AGBL4: variants seen among roughly 807,000 people sequenced by gnomAD.
The protein encoded by AGBL4 is cytosolic carboxypeptidase 6.
A neutral mutation model predicts 66.4 loss-of-function variants in AGBL4; 58 were observed. That is an observed-to-expected ratio of 0.87 (90% CI 0.71 to 1.09). AGBL4 has a LOEUF of 1.09. AGBL4 is among the 50% of genes least tolerant of loss of function. The probability of loss-of-function intolerance (pLI) is 0.00; values close to 1 mark genes in which losing one functional copy is unlikely to be tolerated. For missense variants in AGBL4, 579 were observed against 631.0 expected, an observed-to-expected ratio of 0.92 and a Z score of 0.88; for synonymous variants, 234 against 222.9, an observed-to-expected ratio of 1.05 and a Z score of -0.44.
At chr1:49,844,571 C>G (rs547835806) in intron 2 of AGBL4, 1 of 917,192 alleles carries the variant, frequency 1.1e-6, no homozygotes, top group East Asian at 2.9e-5. Context: ...ATAGTCAAAG[C>G]CACTTGCACC....
intron 6 of AGBL4, among the ~76,000 whole-genome samples, chr1:48,725,540 T>TG (rs1164785936): frequency 6.6e-6 from 1 of 152,222 alleles, no homozygotes; most frequent in Non-Finnish European, 1.5e-5. Flanking sequence ...ATACTTAGGT[T>TG]GGGTTTCCCC....
intron 3 of AGBL4, among the ~76,000 whole-genome samples, chr1:49,593,206 C>G (rs990411571): frequency 1.3e-5 from 2 of 152,078 alleles, no homozygotes; most frequent in African/African-American, 4.8e-5. Flanking sequence ...CAGATTGAGA[C>G]CATCCTGGCT....
intron 5 of AGBL4, among the ~76,000 whole-genome samples, chr1:48,959,049 G>C (rs1424646249): frequency 6.6e-6 from 1 of 152,204 alleles, no homozygotes; most frequent in Non-Finnish European, 1.5e-5. Context: ...CTGGAGAATA[G>C]AAGTATTCCA....
chr1:48,686,615 A>T (rs1646536294), intron 6 of AGBL4, among the ~76,000 whole-genome samples: 1 of 152,224 alleles, frequency 6.6e-6, no homozygotes, highest in Non-Finnish European at 1.5e-5. Flanking sequence ...TACAAGAAGG[A>T]CAGGCAGGTC....
At chr1:49,593,215 C>T (rs771609435) in intron 3 of AGBL4, among the ~76,000 whole-genome samples, 8 of 152,112 alleles carry the variant, frequency 5.3e-5, no homozygotes, top group Non-Finnish European at 8.8e-5. Context: ...ACCATCCTGG[C>T]TAACACGGTG....
At chr1:48,863,740 G>C (rs534794071) in intron 6 of AGBL4, among the ~76,000 whole-genome samples, 1 of 152,006 alleles carries the variant, frequency 6.6e-6, no homozygotes, top group East Asian at 1.9e-4. Flanking sequence ...TGAGACAATG[G>C]GTTATCCATA....
At chr1:49,258,416 T>C (rs1652755298) in intron 3 of AGBL4, among the ~76,000 whole-genome samples, 1 of 152,126 alleles carries the variant, frequency 6.6e-6, no homozygotes, top group South Asian at 2.1e-4. Context: ...GAAAAAAATT[T>C]AGACGAATGT....
intron 1 of AGBL4, among the ~76,000 whole-genome samples, chr1:49,859,047 C>A (rs973090426): frequency 6.6e-6 from 1 of 151,740 alleles, no homozygotes; most frequent in Non-Finnish European, 1.5e-5. Flanking sequence ...ACGAAAGAAA[C>A]TAATAGAAAT....
chr1:48,841,108 T>G (rs1421722060), intron 6 of AGBL4, among the ~76,000 whole-genome samples: 1 of 152,122 alleles, frequency 6.6e-6, no homozygotes, highest in African/African-American at 2.4e-5. Context: ...TGCTAGGGGT[T>G]AGGAGGAAGG....
intron 4 of AGBL4, among the ~76,000 whole-genome samples, chr1:49,244,617 T>C (rs1235261200): frequency 3.3e-5 from 5 of 151,822 alleles, no homozygotes; most frequent in South Asian, 2.1e-4. Context: ...ATATAGACAT[T>C]TGGAGACTAT....
chr1:49,669,378 C>T (rs1291486235), intron 3 of AGBL4, among the ~76,000 whole-genome samples: 1 of 152,060 alleles, frequency 6.6e-6, no homozygotes, highest in Non-Finnish European at 1.5e-5. Context: ...TGGTAAGAGA[C>T]ATGGTCAAAT....
At chr1:49,303,414 T>A (rs1644790537) in intron 3 of AGBL4, among the ~76,000 whole-genome samples, 1 of 148,040 alleles carries the variant, frequency 6.8e-6, no homozygotes, top group Non-Finnish European at 1.5e-5. Context: ...TCAGTGATGT[T>A]GAGCTCTTTT....
chr1:48,867,237 A>G lies in AGBL4; in HGVS notation c.595-7T>C, dbSNP rs764055566. On this transcript the variant is annotated splice_polypyrimidine_tract_variant and splice_region_variant and intron_variant, in intron 5 of 13. Coordinates refer to ENST00000371839, the MANE Select transcript of AGBL4 (RefSeq NM_032785.4). ...GGTCAAGCTTTCGTTGTTGCTGCAA[A>G]AGAAAACACACTGTGAGGGCACTGA... 2 of 1,613,382 alleles carry G rather than the reference A, an allele frequency of 1.2e-6. No homozygotes were observed. The highest frequency in any genetic ancestry group is 2.2e-5 in the East Asian group (1 of 44,826).
intron 4 of AGBL4, among the ~76,000 whole-genome samples, chr1:49,081,277 A>G (rs1258067031): frequency 6.6e-6 from 1 of 152,210 alleles, no homozygotes; most frequent in Non-Finnish European, 1.5e-5. Flanking sequence ...ATCCCATATA[A>G]AAATGACTCA....
chr1:48,800,670 A>G (rs1382098231), intron 6 of AGBL4, among the ~76,000 whole-genome samples: 1 of 152,224 alleles, frequency 6.6e-6, no homozygotes, highest in Non-Finnish European at 1.5e-5. Flanking sequence ...GCTGTATCCC[A>G]GAGGTTTTGA....
At chr1:49,771,398 C>T (rs1571531968) in intron 2 of AGBL4, among the ~76,000 whole-genome samples, 1 of 152,126 alleles carries the variant, frequency 6.6e-6, no homozygotes, top group East Asian at 1.9e-4. Flanking sequence ...TTTCATTAGA[C>T]TTGTTGTGGG....
At chr1:49,734,926 T>A (rs1649743887) in intron 2 of AGBL4, among the ~76,000 whole-genome samples, 1 of 152,124 alleles carries the variant, frequency 6.6e-6, no homozygotes. Flanking sequence ...GGCATATAGA[T>A]CAATAGAACA....
intron 4 of AGBL4, among the ~76,000 whole-genome samples, chr1:49,233,598 G>T (rs1650494805): frequency 6.6e-6 from 1 of 152,146 alleles, no homozygotes; most frequent in East Asian, 1.9e-4. Flanking sequence ...TGGAATTTTT[G>T]ATGGCAGGTA....
intron 8 of AGBL4, among the ~76,000 whole-genome samples, chr1:48,641,133 T>C (rs1408623947): frequency 6.6e-6 from 1 of 152,216 alleles, no homozygotes; most frequent in Non-Finnish European, 1.5e-5. Flanking sequence ...CTGGATTGGA[T>C]TAAGCATATT....
Sources: gnomAD v4.1 joint callset for allele counts (sites outside exome capture counted in the v4.1 genomes callset) on GRCh38, gnomAD v4.1.1 for gene constraint, MANE v1.5 for transcripts, NCBI Gene and HGNC (gene_info 2026-07-23, HGNC 2026-07-21) for gene names.